The following BIRC2 variants were observed in gnomAD, a reference collection of about 807,000 sequenced individuals.
BIRC2 encodes baculoviral IAP repeat-containing protein 2.
Under a neutral mutation model 60.9 loss-of-function variants are expected in BIRC2, and 18 were observed. That is an observed-to-expected ratio of 0.30 (90% confidence interval 0.20 to 0.44). BIRC2 has a LOEUF of 0.44. Ranked by LOEUF, BIRC2 falls within the 20% of genes least tolerant of loss-of-function variation. BIRC2 has a pLI of 1.00. For missense variants in BIRC2, 701 were observed against 728.5 expected (o/e 0.96, Z 0.43); for synonymous variants, 282 against 247.7 (o/e 1.14, Z -1.30).
In BIRC2 at chr11:102,350,313, C is replaced by A; in HGVS notation, c.459C>A (p.Tyr153Ter). 1 of 1,614,240 alleles carries A rather than the reference C, an allele frequency of 6.2e-7. No individual in the cohort carries two copies. Among genetic ancestry groups the A allele is most frequent in the Non-Finnish European group, 8.5e-7 (1 of 1,180,040 alleles). ...LEHSSLFSGS[Y>*]SSLSPNPLNS... is the part of the protein sequence containing the mutation. ...ATAGTAGCTTGTTCAGTGGTTCTTA[C>A]TCCAGCCTTTCTCCAAACCCTCTTA... Residue 153 changes from tyrosine to a stop codon, truncating the protein, a stop_gained, in exon 2 of 9, where the codon TAC (tyrosine) becomes TAA (stop). Transcript: ENST00000227758. LOFTEE classifies it high-confidence loss of function.
intron 3 of BIRC2, among the ~76,000 whole-genome samples, chr11:102,362,208 C>A (rs1951491992): frequency 6.6e-6 from 1 of 151,838 alleles, no homozygotes; most frequent in African/African-American, 2.4e-5. Context: ...GTATATGATC[C>A]ATTTTTACTA....
intron 3 of BIRC2, among the ~76,000 whole-genome samples, chr11:102,351,589 TG>T (rs1329409728): frequency 1.8e-5 from 2 of 109,556 alleles, no homozygotes; most frequent in African/African-American, 3.6e-5. Flanking sequence ...AACTCCAGCC[TG>T]GGTAACAGAG....
chr11:102,350,386 A>T lies in BIRC2; in HGVS notation c.532A>T (p.Ser178Cys), dbSNP rs1216650666. ...DISSSRTNPYSYAMSTEEARF... is the reference protein window; with the variant it reads ...DISSSRTNPYCYAMSTEEARF... The stretch of plus-strand genomic sequence containing the variant: ...CTCTTCATCGAGGACTAACCCCTAC[A>T]GTTATGCAATGAGTACTGAAGAAGC... The change falls in exon 2 of 9, where the codon AGT becomes TGT. Residue 178 changes from serine to cysteine, a missense_variant. Transcript: ENST00000227758. 1.2e-6 allele frequency: 2 copies of T among 1,614,202 alleles called. No individual in the cohort carries two copies. The highest frequency in any genetic ancestry group is 2.2e-5 in the South Asian group (2 of 91,088).
rs1462582839 is a variant in BIRC2, at chr11:102,372,781, A to G, written c.1366+4233A>G. On this transcript the variant is annotated intron_variant, in intron 6 of 8. Transcript: ENST00000227758. ...TGACAGTGGGGTGTTAAAGTCTCCC[A>G]TTATTAATGTGTGGGAGTCTAAGTC... Among the ~76,000 whole-genome samples, 14 of 121,176 alleles carry G rather than the reference A, an allele frequency of 1.2e-4. No homozygotes were observed. In the East Asian group the frequency reaches 2.7e-3, roughly 24 times the overall value. The allele number at this position is 121,176 out of a possible 152,430, so 79.5% of individuals were successfully genotyped here.
At chr11:102,357,946 T>C (rs1951442445) in intron 3 of BIRC2, among the ~76,000 whole-genome samples, 1 of 152,224 alleles carries the variant, frequency 6.6e-6, no homozygotes, top group South Asian at 2.1e-4. Context: ...ATTTTAATAT[T>C]TCTTGTGATT....
chr11:102,354,430 G>T (rs768768884), intron 3 of BIRC2, among the ~76,000 whole-genome samples: 2 of 152,120 alleles, frequency 1.3e-5, no homozygotes, highest in Non-Finnish European at 2.9e-5. Context: ...GCTGGTCTCA[G>T]ACTCCTGATC....
intron 6 of BIRC2, among the ~76,000 whole-genome samples, chr11:102,370,164 G>C (rs1350060699): frequency 3.3e-5 from 5 of 149,824 alleles, no homozygotes; most frequent in Admixed American, 6.6e-5. Context: ...AAGCTCTTTA[G>C]TTGAATTAGA....
At chr11:102,358,838 C>G (rs1454441181) in intron 3 of BIRC2, among the ~76,000 whole-genome samples, 1 of 152,082 alleles carries the variant, frequency 6.6e-6, no homozygotes, top group East Asian at 1.9e-4. Context: ...TTTTCCTATA[C>G]CCATGCATGT....
Position 102,363,660 on chromosome 11 carries a change from T to C in BIRC2, c.1075-8T>C. On this transcript the variant is annotated splice_polypyrimidine_tract_variant and splice_region_variant and intron_variant, in intron 4 of 8. Coordinates refer to ENST00000227758, the MANE Select transcript of BIRC2 (RefSeq NM_001166.5). ...CTTTTACCTATTAACTTTTCTCTTG[T>C]TTCATAGCTGTTGTCAACTTCAGAT... The C allele has an allele frequency of 6.2e-7, 1 of 1,610,824 alleles. No homozygotes were observed. Among genetic ancestry groups the C allele is most frequent in the Non-Finnish European group, 8.5e-7 (1 of 1,177,488 alleles).
intron 5 of BIRC2, among the ~76,000 whole-genome samples, chr11:102,366,185 C>G (rs1278355403): frequency 1.3e-5 from 2 of 152,154 alleles, no homozygotes; most frequent in Non-Finnish European, 2.9e-5. Context: ...CAGATTTGTT[C>G]CTTCTTTGGT....
chr11:102,370,263 T>TTA (rs1324296290), intron 6 of BIRC2, among the ~76,000 whole-genome samples: 1 of 147,538 alleles, frequency 6.8e-6, no homozygotes, highest in African/African-American at 2.5e-5. Flanking sequence ...TGAATGGTAA[T>TTA]GCCTAGGTTT....
intron 3 of BIRC2, among the ~76,000 whole-genome samples, chr11:102,358,729 T>G (rs1294855858): frequency 1.3e-5 from 2 of 152,230 alleles, no homozygotes; most frequent in Non-Finnish European, 2.9e-5. Flanking sequence ...AATTACTTTC[T>G]CTGACTCTTT....
intron 6 of BIRC2, among the ~76,000 whole-genome samples, chr11:102,369,441 T>A (rs1477337515): frequency 6.6e-6 from 1 of 151,462 alleles, no homozygotes; most frequent in Non-Finnish European, 1.5e-5. Context: ...TGCGATAGTT[T>A]ACTGAGAATG....
At chr11:102,360,472 C>T (rs922794759) in intron 3 of BIRC2, among the ~76,000 whole-genome samples, 2 of 151,576 alleles carry the variant, frequency 1.3e-5, no homozygotes, top group African/African-American at 4.8e-5. Flanking sequence ...TTCTTCAGCT[C>T]CCGAATTTGT....
chr11:102,352,545 G>C (rs909666246), intron 3 of BIRC2, among the ~76,000 whole-genome samples: 1 of 152,138 alleles, frequency 6.6e-6, no homozygotes, highest in African/African-American at 2.4e-5. Flanking sequence ...TGAGTAGCTG[G>C]GATTATAGGT....
At chr11:102,367,626 C>T (rs1470098264) in intron 5 of BIRC2, among the ~76,000 whole-genome samples, 1 of 152,100 alleles carries the variant, frequency 6.6e-6, no homozygotes, top group African/African-American at 2.4e-5. Flanking sequence ...GAAAATGCTT[C>T]CCTGACTACC....
intron 3 of BIRC2, among the ~76,000 whole-genome samples, chr11:102,359,682 G>A (rs1207937124): frequency 6.6e-6 from 1 of 152,176 alleles, no homozygotes; most frequent in Non-Finnish European, 1.5e-5. Context: ...GGCCTACAAG[G>A]TTTTTGCAGA....
intron 8 of BIRC2, 42 bp from the exon 9 acceptor site, chr11:102,377,948 T>C (rs374964223): frequency 6.3e-7 from 1 of 1,599,648 alleles, no homozygotes; most frequent in Non-Finnish European, 8.5e-7. Flanking sequence ...TTTTTTTTAA[T>C]GAAGTGGAAA....
intron 3 of BIRC2, among the ~76,000 whole-genome samples, chr11:102,361,698 C>T (rs1951487220): frequency 6.6e-6 from 1 of 152,258 alleles, no homozygotes; most frequent in South Asian, 2.1e-4. Flanking sequence ...TGGGGAGGAG[C>T]CTAGCAGTCT....
Sources: allele counts gnomAD v4.1 joint callset (sites outside exome capture counted in the v4.1 genomes callset), GRCh38; gene constraint gnomAD v4.1.1; transcripts MANE v1.5; gene names NCBI Gene and HGNC (gene_info 2026-07-23, HGNC 2026-07-21).